TDP1: variants seen among roughly 807,000 people sequenced by gnomAD.
TDP1 encodes tyr-DNA phosphodiesterase 1.
TDP1 carries 64 observed loss-of-function variants against 81.5 expected under a neutral mutation model. The observed-to-expected ratio is 0.79, with a 90% CI of 0.64 to 0.97. The LOEUF is 0.97. TDP1 is among the 50% of genes least tolerant of loss of function. TDP1 has a pLI of 0.00. For synonymous variants in TDP1, 256 were observed against 264.3 expected (o/e 0.97, Z 0.30); for missense variants, 723 against 743.8 (o/e 0.97, Z 0.33).
At chr14:89,989,536 GGTTCCT>G (rs1447457290) in intron 11 of TDP1, 175 bp from the exon 12 acceptor site, 2 of 728,870 alleles carry the variant, frequency 2.7e-6, no homozygotes, top group African/African-American at 3.8e-5. Flanking sequence ...CATCAAATAT[GGTTCCT>G]GTTGTTTAAT....
At chr14:89,996,958 C>T (rs1896696817) in intron 14 of TDP1, among the ~76,000 whole-genome samples, 1 of 152,230 alleles carries the variant, frequency 6.6e-6, no homozygotes, top group African/African-American at 2.4e-5. Context: ...GTATTGCCCG[C>T]TGTGGCAAGA....
intron 16 of TDP1, among the ~76,000 whole-genome samples, chr14:90,041,931 A>C (rs1364838708): frequency 6.6e-6 from 1 of 152,196 alleles, no homozygotes; most frequent in African/African-American, 2.4e-5. Context: ...AGATGTTCTC[A>C]TTTGTGCTCC....
chr14:90,041,500 C>A (rs1278117023), intron 16 of TDP1, among the ~76,000 whole-genome samples: 1 of 152,208 alleles, frequency 6.6e-6, no homozygotes, highest in African/African-American at 2.4e-5. Context: ...TGGCTCTGAA[C>A]AAACCGTGAG....
rs1895871550 is a variant in TDP1 at position 89,988,973 on chromosome 14, C to T, written c.1200C>T (p.Ser400=). The T allele has an allele frequency of 3.1e-6, 5 of 1,614,060 alleles. No individual in the cohort carries two copies. The highest frequency in any genetic ancestry group is 3.3e-5 in the Admixed American group (2 of 59,994). ...ESWPVVGQFS[S]VGSLGADESK... is the part of the protein sequence containing the mutation. ...GGCCTGTCGTAGGTCAGTTTTCAAG[C>T]GTTGGCTCCTTGGGAGCCGATGAAT... Residue 400 remains serine, a synonymous_variant, in exon 11 of 17, where the codon AGC becomes AGT. Coordinates refer to ENST00000335725, the MANE Select transcript of TDP1 (RefSeq NM_018319.4).
chr14:89,977,710 CAT>C (rs371083917), intron 7 of TDP1, among the ~76,000 whole-genome samples: 6 of 152,214 alleles, frequency 3.9e-5, no homozygotes, highest in African/African-American at 7.2e-5. Context: ...GCAAGACAAA[CAT>C]GTGAATTAGA....
chr14:90,033,368 T>A (rs1414247160), intron 16 of TDP1, 154 bp downstream of exon 16: 1 of 696,890 alleles, frequency 1.4e-6, no homozygotes, highest in African/African-American at 1.8e-5. Flanking sequence ...GTCTGGGGCC[T>A]TGTAGCCACT....
chr14:90,002,979 C>T (rs1268985929), intron 14 of TDP1, among the ~76,000 whole-genome samples: 1 of 151,932 alleles, frequency 6.6e-6, no homozygotes, highest in Non-Finnish European at 1.5e-5. Flanking sequence ...CGCCATTCAC[C>T]CAGGCTGGAG....
chr14:89,990,735 C>G (rs1000653147), intron 12 of TDP1, among the ~76,000 whole-genome samples: 1 of 151,822 alleles, frequency 6.6e-6, no homozygotes, highest in Non-Finnish European at 1.5e-5. Context: ...GGCTTTGAAA[C>G]TGAATGTTTT....
At chr14:89,964,507 C>A (rs1462222875) in intron 3 of TDP1, among the ~76,000 whole-genome samples, 6 of 152,120 alleles carry the variant, frequency 3.9e-5, no homozygotes, top group African/African-American at 1.4e-4. Flanking sequence ...AACATTATTA[C>A]CCTTATTTCA....
At position 90,023,083 on chromosome 14, in the gene TDP1, G is replaced by A. The variant is rs373371019; in HGVS notation, c.1644+3665G>A. 4.8e-4 allele frequency: 369 copies of A among 762,230 alleles called. 4 individuals are homozygous for A. The highest frequency in any genetic ancestry group is 1.5e-4 in the Non-Finnish European group (63 of 416,658). 47.2% of individuals were successfully genotyped at this position (762,230 alleles called of 1,614,324 possible). ...AGTGGAGGCTTCGTTCTCTGGTAAC[G>A]CATGGATAAGCTGAGGAAACAGACA... On this transcript the variant is annotated intron_variant, in intron 15 of 16. Transcript: ENST00000335725.
chr14:89,959,192 T>C (rs1892038359), intron 2 of TDP1, among the ~76,000 whole-genome samples: 1 of 152,232 alleles, frequency 6.6e-6, no homozygotes, highest in Non-Finnish European at 1.5e-5. Context: ...TGTATTCTGA[T>C]TCTTTCAGTA....
At chr14:90,019,919 G>C (rs1311652315) in intron 15 of TDP1, among the ~76,000 whole-genome samples, 1 of 152,160 alleles carries the variant, frequency 6.6e-6, no homozygotes, top group Admixed American at 6.5e-5. Flanking sequence ...AAACTGGGAA[G>C]CAGAGATTGG....
At chr14:90,010,413 G>A (rs1444352375) in intron 14 of TDP1, among the ~76,000 whole-genome samples, 1 of 152,238 alleles carries the variant, frequency 6.6e-6, no homozygotes, top group African/African-American at 2.4e-5. Context: ...ATGTCTTTGT[G>A]TAAAATCCTC....
At chr14:90,015,683 C>A (rs1390546702) in intron 14 of TDP1, among the ~76,000 whole-genome samples, 1 of 152,196 alleles carries the variant, frequency 6.6e-6, no homozygotes, top group Non-Finnish European at 1.5e-5. Flanking sequence ...TGTGTCCTCA[C>A]AAGGTAGAAA....
At chr14:89,996,735 A>G (rs979403480) in intron 14 of TDP1, among the ~76,000 whole-genome samples, 2 of 152,334 alleles carry the variant, frequency 1.3e-5, no homozygotes, top group East Asian at 1.9e-4. Flanking sequence ...GGTGCCAACT[A>G]TGGTGACCTG....
chr14:89,998,513 A>C (rs1425287631), intron 14 of TDP1, among the ~76,000 whole-genome samples: 6 of 149,550 alleles, frequency 4.0e-5, no homozygotes, highest in South Asian at 2.1e-4. Flanking sequence ...GTATCCATTA[A>C]TCCCCTTTTC....
At chr14:90,004,596 T>C (rs1897483707) in intron 14 of TDP1, among the ~76,000 whole-genome samples, 1 of 152,206 alleles carries the variant, frequency 6.6e-6, no homozygotes, top group African/African-American at 2.4e-5. Context: ...CCAGATAGTC[T>C]GATGTGACTG....
intron 7 of TDP1, among the ~76,000 whole-genome samples, chr14:89,977,680 C>T (rs1216058061): frequency 6.6e-6 from 1 of 152,226 alleles, no homozygotes; most frequent in African/African-American, 2.4e-5. Context: ...ATTCTTACAG[C>T]TTTTTCTTTG....
intron 10 of TDP1, among the ~76,000 whole-genome samples, chr14:89,987,198 C>G (rs552405993): frequency 1.3e-5 from 2 of 152,298 alleles, no homozygotes; most frequent in Non-Finnish European, 2.9e-5. Context: ...AAAAAACTCA[C>G]TTTGTTTCCT....
Sources: allele counts gnomAD v4.1 joint callset (sites outside exome capture counted in the v4.1 genomes callset), GRCh38; gene constraint gnomAD v4.1.1; transcripts MANE v1.5; gene names NCBI Gene and HGNC (gene_info 2026-07-23, HGNC 2026-07-21).